Variants in MRC2 observed in about 807,000 individuals in gnomAD.
MRC2 encodes mannose receptor C-type 2, also known as C-type mannose receptor 2.
Under a neutral mutation model 206.2 loss-of-function variants are expected in MRC2, and 84 were observed. The ratio of observed to expected loss-of-function variants is 0.41; its 90% CI spans 0.34 to 0.49. MRC2 has a LOEUF of 0.49. Ranked by LOEUF, MRC2 falls within the 20% of genes least tolerant of loss-of-function variation. The probability of loss-of-function intolerance (pLI) is 0.31; values close to 1 mark genes in which losing one functional copy is unlikely to be tolerated. For synonymous variants in MRC2, 798 were observed against 800.0 expected (o/e 1.00, Z 0.04); for missense variants, 1,676 against 2,001.5 (o/e 0.84, Z 3.10).
rs764172614 is a variant in MRC2, at chr17:62,691,022, C to T, written c.4086C>T (p.Ser1362=). ...GGGGGCCCCCGGGCTTGGGCCCCAG[C>T]ATGCTGAGCCACAACAGCTGCTACT... ...SNWGPPGLGP[S]MLSHNSCYWI... The change falls in exon 28 of 30, where the codon AGC becomes AGT. Residue 1362 remains serine (S), a synonymous_variant. Coordinates refer to ENST00000303375, the MANE Select transcript of MRC2 (RefSeq NM_006039.5). 2 of 1,608,932 alleles carry T rather than the reference C, an allele frequency of 1.2e-6. No homozygotes were observed. The highest frequency in any genetic ancestry group is 4.5e-5 in the East Asian group (2 of 44,736).
Position 62,636,460 on chromosome 17 carries a change from GAT to G in MRC2, c.118+8541_118+8542del, listed in dbSNP as rs1491270382. On this transcript the variant is annotated intron_variant, in intron 1 of 29. Transcript: ENST00000303375. ...GTAGTAGTTCATTGGGTAATCTTCT[GAT>G]TTTTTTTTTTTTTTTTTTTTTTTTG... is the stretch of plus-strand genomic sequence containing the variant. Among the ~76,000 whole-genome samples the G allele has an allele frequency of 6.8e-4, 85 of 124,510 alleles. 1 individual carries two copies. Among genetic ancestry groups the G allele is most frequent in the African/African-American group, 2.4e-3 (80 of 32,786 alleles). The allele number at this position is 124,510 out of a possible 152,430, so 81.7% of individuals were successfully genotyped here.
In MRC2 at chr17:62,652,759, G is replaced by A. The variant is rs1290967406; in HGVS notation, c.119-11789G>A. Among the ~76,000 whole-genome samples, 1 of 147,132 alleles carries A rather than the reference G, an allele frequency of 6.8e-6. No individual in the cohort carries two copies. The highest frequency in any genetic ancestry group is 1.5e-5 in the Non-Finnish European group (1 of 66,536). On this transcript the variant is annotated intron_variant, in intron 1 of 29. Coordinates refer to ENST00000303375, the MANE Select transcript of MRC2 (RefSeq NM_006039.5). The surrounding 1 kb of genome is among the most constrained non-coding windows in gnomAD (Gnocchi z 4.6). ...GGGGCTCACGGTGACAGAGGAAGTGGCGCCGCTTGGGGGGGTGCACGATGG... is the reference window on the plus strand; with the variant it reads ...GGGGCTCACGGTGACAGAGGAAGTGACGCCGCTTGGGGGGGTGCACGATGG...
chr17:62,627,840 G>C lies in MRC2; in HGVS notation c.38G>C (p.Arg13Pro). The C allele has an allele frequency of 1.4e-6, 2 of 1,469,804 alleles. No homozygotes were observed. Among genetic ancestry groups the C allele is most frequent in the Non-Finnish European group, 1.8e-6 (2 of 1,118,712 alleles). The allele number at this position is 1,469,804 out of a possible 1,614,324, so 91.0% of individuals were successfully genotyped here. A position where few individuals can be genotyped will look rare whatever the true frequency, so the allele number is the denominator to read the frequency against. The change falls in exon 1 of 30, where the codon CGT becomes CCT. Residue 13 changes from arginine to proline, a missense_variant. Transcript: ENST00000303375. ...PGRPAPAPWP[R>P]HLLRCVLLLG... ...CGGCCGGCCCCCGCGCCCTGGCCTC[G>C]TCACCTGCTGCGCTGCGTCCTGCTC... is the stretch of plus-strand genomic sequence containing the variant.
Position 62,659,466 on chromosome 17 carries a change from C to T in MRC2, c.119-5082C>T, listed in dbSNP as rs189351203. On this transcript the variant is annotated intron_variant, in intron 1 of 29. Coordinates refer to ENST00000303375, the MANE Select transcript of MRC2 (RefSeq NM_006039.5). ...GCTGAGGCAGAAGAATCGCTTGAACCGGGGAGGCGGAGGTTGCAGCAGTGA... is the reference window on the plus strand; with the variant it reads ...GCTGAGGCAGAAGAATCGCTTGAACTGGGGAGGCGGAGGTTGCAGCAGTGA... 9.9e-5 allele frequency among the ~76,000 whole-genome samples: 15 copies of T among 151,818 alleles called. No individual in the cohort carries two copies. The East Asian group carries it at 1.4e-3, about 14-fold the overall frequency.
intron 1 of MRC2, among the ~76,000 whole-genome samples, chr17:62,647,550 ATTTCTGTTGT>A (rs2088505640): frequency 6.6e-6 from 1 of 151,966 alleles, no homozygotes; most frequent in Non-Finnish European, 1.5e-5. Context: ...CCCTTTATAC[ATTTCTGTTGT>A]GTGCATAGTA....
intron 1 of MRC2, among the ~76,000 whole-genome samples, chr17:62,644,254 A>G (rs1471792735): frequency 2.0e-5 from 3 of 152,042 alleles, no homozygotes; most frequent in African/African-American, 7.3e-5. Context: ...CCCTGTCTCT[A>G]CTAAAAATAC....
At chr17:62,676,916 T>TA in intron 11 of MRC2, among the ~76,000 whole-genome samples, 1 of 152,392 alleles carries the variant, frequency 6.6e-6, no homozygotes, top group Non-Finnish European at 1.5e-5. Flanking sequence ...TGGACTCATT[T>TA]AAAAAATGTG....
At chr17:62,690,799 C>T in intron 27 of MRC2, 38 bp downstream of exon 27, 1 of 1,559,644 alleles carries the variant, frequency 6.4e-7, no homozygotes, top group Non-Finnish European at 8.7e-7. Context: ...GGTCAAGCCT[C>T]AGGCTGTAAG....
chr17:62,665,567 C>T (rs1399903710), intron 2 of MRC2, among the ~76,000 whole-genome samples: 1 of 152,184 alleles, frequency 6.6e-6, no homozygotes, highest in African/African-American at 2.4e-5. Context: ...CCCCCAGGCC[C>T]ACTCTCCAGG....
rs769804381 is a variant in MRC2 at position 62,671,653 on chromosome 17, G to T, written c.1122G>T (p.Arg374Ser). 1 of 1,580,198 alleles carries T rather than the reference G, an allele frequency of 6.3e-7. No individual in the cohort carries two copies. Among genetic ancestry groups the T allele is most frequent in the Non-Finnish European group, 8.6e-7 (1 of 1,161,112 alleles). Residue 374 changes from arginine (R) to serine (S), a missense_variant, in exon 7 of 30, where the codon AGG becomes AGT. Arg to Ser is a moderately radical substitution (Grantham distance 110, BLOSUM62 -1). This residue lies in a region of MRC2 where 1,354 missense variants were observed against 1,636.6 expected (regional missense o/e 0.83). Coordinates refer to ENST00000303375, the MANE Select transcript of MRC2 (RefSeq NM_006039.5). This position sits in a 1 kb window ranked among gnomAD's most constrained non-coding sequence, Gnocchi z 4.5. The stretch of plus-strand genomic sequence containing the variant: ...CAGCCTCATGGGTCTCTGCAGACAG[G>T]TGGGCCAATGTGAAGGTGGAGTGCG... ...NATAEPTPPD[R>S]WANVKVECEP...
chr17:62,680,546 G>C lies in MRC2; in HGVS notation c.2473+93G>C, dbSNP rs962642341. On this transcript the variant is annotated intron_variant, in intron 16 of 29. Coordinates refer to ENST00000303375, the MANE Select transcript of MRC2 (RefSeq NM_006039.5). This position sits in a 1 kb window ranked among gnomAD's most constrained non-coding sequence, Gnocchi z 4.8. ...CGAGAGGCCTGAATGAAATGGAGGGGATGAGGAGTTCCGGTCGAGAGAAGG... is the reference window on the plus strand; with the variant it reads ...CGAGAGGCCTGAATGAAATGGAGGGCATGAGGAGTTCCGGTCGAGAGAAGG... The C allele has an allele frequency of 6.4e-5, 98 of 1,534,238 alleles. No homozygotes were observed. Among genetic ancestry groups the C allele is most frequent in the Non-Finnish European group, 7.9e-5 (88 of 1,115,364 alleles).
intron 1 of MRC2, among the ~76,000 whole-genome samples, chr17:62,661,198 C>T (rs1217749568): frequency 6.6e-6 from 1 of 152,144 alleles, no homozygotes; most frequent in Non-Finnish European, 1.5e-5. Flanking sequence ...TTAGACAGGA[C>T]CAGATCATGT....
chr17:62,680,965 G>C lies in MRC2; in HGVS notation c.2634+5G>C. 6.2e-7 allele frequency: 1 copy of C among 1,612,762 alleles called. No homozygotes were observed. The highest frequency in any genetic ancestry group is 8.5e-7 in the Non-Finnish European group (1 of 1,179,672). ...CTGAGCCACAACTTGCAGAAGGTGGGCATTGGATTGAGCAGGGGGCTGCAG... is the reference window on the plus strand; with the variant it reads ...CTGAGCCACAACTTGCAGAAGGTGGCCATTGGATTGAGCAGGGGGCTGCAG... On this transcript the variant is annotated splice_donor_5th_base_variant and intron_variant, in intron 17 of 29. Transcript: ENST00000303375. This position sits in a 1 kb window ranked among gnomAD's most constrained non-coding sequence, Gnocchi z 4.8.
chr17:62,644,341 C>T (rs1397098935), intron 1 of MRC2, among the ~76,000 whole-genome samples: 1 of 151,966 alleles, frequency 6.6e-6, no homozygotes, highest in Non-Finnish European at 1.5e-5. Flanking sequence ...ATTGCTTGAA[C>T]CCAGAAGATG....
At chr17:62,651,260 T>C (rs539971216) in intron 1 of MRC2, among the ~76,000 whole-genome samples, 132 of 152,240 alleles carry the variant, frequency 8.7e-4, no homozygotes, top group African/African-American at 3.0e-3. Flanking sequence ...ATTTTTGTAC[T>C]TTTAGTAGAG....
chr17:62,691,163 C>T (rs763927257), intron 28 of MRC2, 35 bp downstream of exon 28: 2 of 1,556,518 alleles, frequency 1.3e-6, no homozygotes, highest in African/African-American at 2.8e-5. Flanking sequence ...CAGCCTCCTT[C>T]CACCCCGTGC....
At chr17:62,647,483 C>T (rs892131571) in intron 1 of MRC2, among the ~76,000 whole-genome samples, 1 of 151,884 alleles carries the variant, frequency 6.6e-6, no homozygotes, top group Non-Finnish European at 1.5e-5. Context: ...CCGCGCCCTG[C>T]CATTTTTGCT....
chr17:62,653,790 C>T (rs2088585921), intron 1 of MRC2, among the ~76,000 whole-genome samples: 1 of 151,944 alleles, frequency 6.6e-6, no homozygotes, highest in South Asian at 2.1e-4. Flanking sequence ...TAGAGGGAAA[C>T]CCACCATGGT....
chr17:62,657,728 G>T (rs1328446723), intron 1 of MRC2, among the ~76,000 whole-genome samples: 2 of 152,174 alleles, frequency 1.3e-5, no homozygotes, highest in Non-Finnish European at 2.9e-5. Context: ...CTTTGTATGT[G>T]CTTGATGAAG....
Sources: gnomAD v4.1 joint callset for allele counts (sites outside exome capture counted in the v4.1 genomes callset) on GRCh38, gnomAD v4.1.1 for gene constraint, gnomAD v4.1.1 regional missense constraint, Gnocchi (gnomAD v3.1) non-coding constraint, MANE v1.5 for transcripts, NCBI Gene and HGNC (gene_info 2026-07-23, HGNC 2026-07-21) for gene names.